GRIK2: variants seen among roughly 807,000 people sequenced by gnomAD.
GRIK2 encodes glutamate ionotropic receptor kainate type subunit 2, also known as glutamate receptor ionotropic, kainate 2.
In GRIK2, 32 loss-of-function variants were observed where a neutral mutation model predicts 100.3. The observed-to-expected ratio is 0.32, with a 90% CI of 0.24 to 0.43. The LOEUF (loss-of-function observed/expected upper bound fraction) is 0.43, where lower values mean the gene tolerates loss of function less well. GRIK2 is among the 20% of genes least tolerant of loss of function. The pLI is 1.00. For synonymous variants in GRIK2, 417 were observed against 389.4 expected (o/e 1.07, Z -0.83); for missense variants, 843 against 1,114.9 (o/e 0.76, Z 3.47).
intron 14 of GRIK2, among the ~76,000 whole-genome samples, chr6:102,015,542 G>C (rs951265024): frequency 6.6e-6 from 1 of 152,150 alleles, no homozygotes; most frequent in Admixed American, 6.5e-5. Context: ...TTGCTATCAG[G>C]TCCTTTGCCC....
chr6:101,480,035 A>G (rs2128260602), intron 2 of GRIK2, among the ~76,000 whole-genome samples: 1 of 152,272 alleles, frequency 6.6e-6, no homozygotes, highest in East Asian at 1.9e-4. Flanking sequence ...CTCCCCTAAC[A>G]TACTGCATGG....
intron 9 of GRIK2, among the ~76,000 whole-genome samples, chr6:101,811,437 A>T (rs1781319754): frequency 6.6e-6 from 1 of 152,060 alleles, no homozygotes; most frequent in Non-Finnish European, 1.5e-5. Flanking sequence ...TTTGTGAGTC[A>T]ATGCCAGTAA....
chr6:101,588,648 T>G (rs1250687205), intron 2 of GRIK2, among the ~76,000 whole-genome samples: 2 of 142,974 alleles, frequency 1.4e-5, no homozygotes, highest in African/African-American at 5.2e-5. Context: ...ACAGGGAAAC[T>G]GCATGACACA....
chr6:101,795,162 C>G (rs534315054), intron 7 of GRIK2, among the ~76,000 whole-genome samples: 1 of 152,058 alleles, frequency 6.6e-6, no homozygotes, highest in Non-Finnish European at 1.5e-5. Context: ...CCACCATACC[C>G]GGCCAGCTTT....
At chr6:101,460,572 T>C (rs185035845) in intron 2 of GRIK2, among the ~76,000 whole-genome samples, 1 of 152,318 alleles carries the variant, frequency 6.6e-6, no homozygotes, top group African/African-American at 2.4e-5. Flanking sequence ...TTTTCTATTA[T>C]AGTAAGAGTG....
chr6:101,699,745 T>C (rs1007006189), intron 7 of GRIK2, among the ~76,000 whole-genome samples: 9 of 151,878 alleles, frequency 5.9e-5, no homozygotes, highest in African/African-American at 1.7e-4. Context: ...GAGGAGAGAG[T>C]AGTCTCAGTA....
intron 2 of GRIK2, among the ~76,000 whole-genome samples, chr6:101,536,331 C>T (rs1173974017): frequency 6.6e-6 from 1 of 151,536 alleles, no homozygotes; most frequent in Non-Finnish European, 1.5e-5. Flanking sequence ...TGATTTAAGG[C>T]GTATCTCTTT....
chr6:101,960,196 GT>G (rs1562512371), intron 14 of GRIK2, among the ~76,000 whole-genome samples: 2 of 150,188 alleles, frequency 1.3e-5, no homozygotes, highest in African/African-American at 2.4e-5. Context: ...CAGAAGTTCT[GT>G]TTTTTTAAAA....
chr6:102,048,996 G>A (rs980270847), intron 15 of GRIK2, among the ~76,000 whole-genome samples: 1 of 151,712 alleles, frequency 6.6e-6, no homozygotes, highest in Non-Finnish European at 1.5e-5. Context: ...TATTAAGGAA[G>A]AACAAAAAGC....
chr6:101,502,357 A>G (rs1773803918), intron 2 of GRIK2, among the ~76,000 whole-genome samples: 4 of 152,168 alleles, frequency 2.6e-5, no homozygotes, highest in Admixed American at 2.6e-4. Flanking sequence ...TCATTTGAGC[A>G]TTATTTATAA....
At chr6:102,065,919 A>C in intron 16 of GRIK2, 1 of 1,413,136 alleles carries the variant, frequency 7.1e-7, no homozygotes, top group Non-Finnish European at 9.3e-7. Context: ...CTTAATAAGT[A>C]CATCTAATAG....
chr6:101,855,515 A>G (rs569018228), intron 10 of GRIK2, among the ~76,000 whole-genome samples: 4 of 152,236 alleles, frequency 2.6e-5, no homozygotes, highest in East Asian at 1.9e-4. Flanking sequence ...CTTAAGATAG[A>G]TCTTCCCTGT....
chr6:101,642,594 A>G (rs924191591), intron 4 of GRIK2, among the ~76,000 whole-genome samples: 1 of 151,734 alleles, frequency 6.6e-6, no homozygotes, highest in African/African-American at 2.4e-5. Flanking sequence ...TTAAGGCTCA[A>G]TTATATTCCA....
intron 2 of GRIK2, among the ~76,000 whole-genome samples, chr6:101,441,773 TC>T (rs1770080168): frequency 6.6e-6 from 1 of 152,138 alleles, no homozygotes; most frequent in Non-Finnish European, 1.5e-5. Context: ...TTTTCAGTTC[TC>T]CCCTTCCTTC....
rs572077042 is a variant in GRIK2 at position 101,664,129 on chromosome 6, T to C, written c.542-12494T>C. ...TATGGGAGACAATGAGTTACCTTTTTGCTCAGTGTAGTGTGAATTGGGCCT... is the reference window on the plus strand; with the variant it reads ...TATGGGAGACAATGAGTTACCTTTTCGCTCAGTGTAGTGTGAATTGGGCCT... On this transcript the variant is annotated intron_variant, in intron 4 of 16. Coordinates refer to ENST00000369134, the MANE Select transcript of GRIK2 (RefSeq NM_021956.5). Among the ~76,000 whole-genome samples the C allele has an allele frequency of 5.8e-4, 88 of 152,352 alleles. 1 individual carries two copies. In the Middle Eastern group the frequency reaches 0.01, roughly 18 times the overall value.
rs1361136720 is a variant in GRIK2 at position 101,916,834 on chromosome 6, C to T, written c.1749-7767C>T. 1.2e-4 allele frequency among the ~76,000 whole-genome samples: 18 copies of T among 151,636 alleles called. No individual in the cohort carries two copies. In the Admixed American group the frequency reaches 1.2e-3, roughly 10 times the overall value. The stretch of plus-strand genomic sequence containing the variant: ...TATTATTCATTATATGTAACATTTT[C>T]AATAGTTTATTATTTAAATTTGCCA... On this transcript the variant is annotated intron_variant, in intron 12 of 16. Coordinates refer to ENST00000369134, the MANE Select transcript of GRIK2 (RefSeq NM_021956.5).
At chr6:101,740,471 C>T (rs1246260839) in intron 7 of GRIK2, among the ~76,000 whole-genome samples, 1 of 152,132 alleles carries the variant, frequency 6.6e-6, no homozygotes, top group Non-Finnish European at 1.5e-5. Context: ...TCCACAACTG[C>T]ATTCTACATT....
intron 2 of GRIK2, among the ~76,000 whole-genome samples, chr6:101,505,786 A>AAC (rs1554210959): frequency 2.6e-5 from 4 of 151,812 alleles, no homozygotes; most frequent in South Asian, 2.1e-4. Context: ...GAAAAAAAAA[A>AAC]AAAAAACTAG....
intron 2 of GRIK2, among the ~76,000 whole-genome samples, chr6:101,544,152 T>A (rs919165971): frequency 2.6e-5 from 4 of 152,162 alleles, no homozygotes; most frequent in Non-Finnish European, 5.9e-5. Flanking sequence ...TTTTTTCTCC[T>A]TTTTATATCC....
Sources: allele counts gnomAD v4.1 joint callset (sites outside exome capture counted in the v4.1 genomes callset), GRCh38; gene constraint gnomAD v4.1.1; transcripts MANE v1.5; gene names NCBI Gene and HGNC (gene_info 2026-07-23, HGNC 2026-07-21).